The following STX8 variants were observed in gnomAD, a reference collection of about 807,000 sequenced individuals.
STX8 encodes the protein syntaxin-8.
A neutral mutation model predicts 37.5 loss-of-function variants in STX8; 23 were observed. The ratio of observed to expected loss-of-function variants is 0.61; its 90% CI spans 0.44 to 0.87. STX8 has a LOEUF of 0.87. STX8 is among the 40% of genes least tolerant of loss of function. The probability of loss-of-function intolerance (pLI) is 0.00; values close to 1 mark genes in which losing one functional copy is unlikely to be tolerated. For synonymous variants in STX8, 115 were observed against 99.1 expected (o/e 1.16, Z -0.95); for missense variants, 313 against 284.7 (o/e 1.10, Z -0.71).
chr17:9,493,176 T>C (rs1429151309), intron 5 of STX8, among the ~76,000 whole-genome samples: 6 of 151,124 alleles, frequency 4.0e-5, no homozygotes, highest in Admixed American at 2.0e-4. Context: ...GGTGAGAGGA[T>C]TGGTTGATCA....
chr17:9,377,344 A>T (rs1911632933), intron 7 of STX8, among the ~76,000 whole-genome samples: 1 of 151,838 alleles, frequency 6.6e-6, no homozygotes, highest in Non-Finnish European at 1.5e-5. Flanking sequence ...TCTGTCACCC[A>T]AGTGGAAGTA....
chr17:9,479,871 A>G (rs1864921131), intron 6 of STX8, among the ~76,000 whole-genome samples: 1 of 151,472 alleles, frequency 6.6e-6, no homozygotes, highest in Non-Finnish European at 1.5e-5. Flanking sequence ...CATGCTCTCT[A>G]GACCCTGGGT....
chr17:9,257,537 T>C (rs1906845583), intron 7 of STX8, among the ~76,000 whole-genome samples: 1 of 138,544 alleles, frequency 7.2e-6, no homozygotes, highest in Non-Finnish European at 1.6e-5. Flanking sequence ...TGGCCACTTC[T>C]GCCCTGTAGC....
intron 6 of STX8, among the ~76,000 whole-genome samples, chr17:9,386,104 C>CAAA (rs57683285): frequency 1.8e-4 from 21 of 118,584 alleles, no homozygotes; most frequent in East Asian, 4.8e-4. Context: ...GCCTATTTCT[C>CAAA]AAAAAAAAAA....
intron 7 of STX8, among the ~76,000 whole-genome samples, chr17:9,316,985 GAA>G (rs1909405552): frequency 6.6e-6 from 1 of 152,196 alleles, no homozygotes; most frequent in South Asian, 2.1e-4. Flanking sequence ...AGTGGAATAG[GAA>G]AAGACAGTCG....
rs144713921 is a variant in STX8 at position 9,431,102 on chromosome 17, T to C, written c.542-52449A>G. Reference sequence around the variant, plus strand: ...CCATCTCCTGACCTCGTGATCCACCTGCCTTGGTCTCCCAAAGTGCTGGGA... The same window carrying C: ...CCATCTCCTGACCTCGTGATCCACCCGCCTTGGTCTCCCAAAGTGCTGGGA... On this transcript the variant is annotated intron_variant, in intron 6 of 7. Transcript: ENST00000306357. Among the ~76,000 whole-genome samples, 1,054 of 149,698 alleles carry C rather than the reference T, an allele frequency of 7.0e-3. 15 individuals carry two copies. The highest frequency in any genetic ancestry group is 0.047 in the South Asian group (220 of 4,638).
intron 6 of STX8, among the ~76,000 whole-genome samples, chr17:9,457,286 T>C (rs762185033): frequency 2.0e-5 from 3 of 152,216 alleles, no homozygotes; most frequent in Non-Finnish European, 4.4e-5. Flanking sequence ...AAAGGCTGTC[T>C]TCCTTTCTGG....
intron 6 of STX8, among the ~76,000 whole-genome samples, chr17:9,475,680 C>T (rs1464716107): frequency 2.0e-5 from 3 of 152,204 alleles, no homozygotes; most frequent in Non-Finnish European, 4.4e-5. Flanking sequence ...AGAAATAAAA[C>T]ATATAAAAGA....
Position 9,294,804 on chromosome 17 carries a change from G to C in STX8, c.644-44159C>G, listed in dbSNP as rs552502534. On this transcript the variant is annotated intron_variant, in intron 7 of 7. Transcript: ENST00000306357. ...GAAAATGTAATGAAAATGAAAATGA[G>C]GTCATAAGAGTGGGGTACTAGTCCA... is the stretch of plus-strand genomic sequence containing the variant. 5.3e-5 allele frequency among the ~76,000 whole-genome samples: 8 copies of C among 152,274 alleles called. No homozygotes were observed. In the East Asian group the frequency reaches 1.5e-3, roughly 29 times the overall value.
intron 7 of STX8, among the ~76,000 whole-genome samples, chr17:9,373,515 A>G (rs1315764225): frequency 2.6e-5 from 4 of 152,206 alleles, no homozygotes; most frequent in African/African-American, 9.6e-5. Context: ...AAAAGTATAC[A>G]TATGATCCCG....
intron 3 of STX8, chr17:9,552,882 C>A (rs1437647222): frequency 6.6e-6 from 1 of 152,044 alleles, no homozygotes; most frequent in Admixed American, 6.6e-5. Context: ...TCTCGATCTC[C>A]TGACCTCGTG....
chr17:9,320,507 A>T (rs1228541560), intron 7 of STX8, among the ~76,000 whole-genome samples: 2 of 152,156 alleles, frequency 1.3e-5, no homozygotes, highest in African/African-American at 4.8e-5. Flanking sequence ...ATTTCTTGGT[A>T]TTACACTGTA....
intron 6 of STX8, among the ~76,000 whole-genome samples, chr17:9,491,133 G>A (rs1182591677): frequency 5.3e-5 from 8 of 152,054 alleles, no homozygotes; most frequent in Non-Finnish European, 8.8e-5. Flanking sequence ...GACATCTCCC[G>A]CCGGCATCTC....
chr17:9,381,045 T>C (rs1410084850), intron 6 of STX8, among the ~76,000 whole-genome samples: 5 of 152,124 alleles, frequency 3.3e-5, no homozygotes, highest in Non-Finnish European at 7.4e-5. Context: ...ACTGCTTACA[T>C]GCAATAATAT....
At chr17:9,519,312 G>A (rs75833019) in intron 4 of STX8, among the ~76,000 whole-genome samples, 6,933 of 151,956 alleles carry the variant, frequency 0.046, 539 homozygotes, top group African/African-American at 0.16. Context: ...CTTCTCGTAC[G>A]CTCTCTATTT....
intron 7 of STX8, among the ~76,000 whole-genome samples, chr17:9,298,121 TC>T (rs1463910490): frequency 6.6e-6 from 1 of 150,966 alleles, no homozygotes; most frequent in Non-Finnish European, 1.5e-5. Context: ...CCTCCTCCGT[TC>T]CCATTTAAAA....
intron 6 of STX8, among the ~76,000 whole-genome samples, chr17:9,415,735 C>T (rs1237633884): frequency 6.6e-6 from 1 of 152,186 alleles, no homozygotes; most frequent in African/African-American, 2.4e-5. Flanking sequence ...CGCCACTGCA[C>T]TCCAGCCTGA....
chr17:9,448,591 C>T (rs1904936414), intron 6 of STX8, among the ~76,000 whole-genome samples: 1 of 151,456 alleles, frequency 6.6e-6, no homozygotes, highest in Non-Finnish European at 1.5e-5. Flanking sequence ...AAGCTGTTGC[C>T]CAGGAGTTCA....
chr17:9,363,509 TC>T (rs1206279483), intron 7 of STX8, among the ~76,000 whole-genome samples: 2 of 152,174 alleles, frequency 1.3e-5, no homozygotes, highest in Non-Finnish European at 2.9e-5. Context: ...ACTAAGTCTG[TC>T]CCAGGACAAC....
Sources: allele counts gnomAD v4.1 joint callset (sites outside exome capture counted in the v4.1 genomes callset), GRCh38; gene constraint gnomAD v4.1.1; transcripts MANE v1.5; gene names NCBI Gene and HGNC (gene_info 2026-07-23, HGNC 2026-07-21).